The following SUPT3H variants were observed in gnomAD, a reference collection of about 807,000 sequenced individuals.
The protein encoded by SUPT3H is transcription initiation protein SPT3 homolog.
In SUPT3H, 44 loss-of-function variants were observed where a neutral mutation model predicts 44.3. That is an observed-to-expected ratio of 0.99 (90% CI 0.78 to 1.28). The LOEUF is 1.28. Ranked by LOEUF, SUPT3H falls within the 50% of genes most tolerant of loss-of-function variation. SUPT3H has a pLI of 0.00. For synonymous variants in SUPT3H, 124 were observed against 125.6 expected (o/e 0.99, Z 0.09); for missense variants, 380 against 387.1 (o/e 0.98, Z 0.15).
chr6:45,198,550 T>C (rs1049413634), intron 2 of SUPT3H, among the ~76,000 whole-genome samples: 2 of 151,362 alleles, frequency 1.3e-5, no homozygotes, highest in Non-Finnish European at 3.0e-5. Flanking sequence ...AATTTTCACT[T>C]GTGAAAACAA....
intron 2 of SUPT3H, among the ~76,000 whole-genome samples, chr6:45,262,988 A>G (rs551407674): frequency 3.9e-5 from 6 of 152,304 alleles, no homozygotes; most frequent in African/African-American, 1.4e-4. Context: ...TCAAAAAATA[A>G]TAGATGTAGG....
intron 2 of SUPT3H, among the ~76,000 whole-genome samples, chr6:45,285,074 G>A (rs1431984905): frequency 6.6e-6 from 1 of 151,674 alleles, no homozygotes; most frequent in Non-Finnish European, 1.5e-5. Context: ...AATAAATTAG[G>A]TATTGATGGG....
chr6:44,881,670 G>A (rs1006820643), intron 10 of SUPT3H, among the ~76,000 whole-genome samples: 1 of 152,056 alleles, frequency 6.6e-6, no homozygotes, highest in African/African-American at 2.4e-5. Flanking sequence ...CAAGAGAACG[G>A]AAATCATAAA....
chr6:45,208,402 T>A (rs796664026), intron 2 of SUPT3H, among the ~76,000 whole-genome samples: 1 of 152,290 alleles, frequency 6.6e-6, no homozygotes, highest in African/African-American at 2.4e-5. Context: ...AAGATCTAAC[T>A]AAGATCACTG....
chr6:45,353,863 T>C (rs964409193), intron 2 of SUPT3H, among the ~76,000 whole-genome samples: 1 of 147,950 alleles, frequency 6.8e-6, no homozygotes, highest in Non-Finnish European at 1.5e-5. Flanking sequence ...AAATGCCAAA[T>C]ATAATCAACC....
chr6:45,269,310 C>G (rs1338832397), intron 2 of SUPT3H, among the ~76,000 whole-genome samples: 2 of 152,118 alleles, frequency 1.3e-5, no homozygotes, highest in Admixed American at 1.3e-4. Flanking sequence ...TACCACATTC[C>G]TCATTTGTTT....
intron 2 of SUPT3H, among the ~76,000 whole-genome samples, chr6:45,118,425 A>C (rs1801141060): frequency 1.3e-5 from 2 of 152,130 alleles, no homozygotes; most frequent in African/African-American, 4.8e-5. Context: ...TTAAGACCCT[A>C]GCTTAGAGCC....
chr6:44,986,892 T>G (rs1292677302), intron 6 of SUPT3H, among the ~76,000 whole-genome samples: 1 of 151,910 alleles, frequency 6.6e-6, no homozygotes, highest in Non-Finnish European at 1.5e-5. Flanking sequence ...ATGAATAATA[T>G]AGTAGAGTAA....
chr6:44,924,384 C>T lies in SUPT3H; in HGVS notation c.912+8269G>A, dbSNP rs533879699. Among the ~76,000 whole-genome samples, 14 of 152,102 alleles carry T rather than the reference C, an allele frequency of 9.2e-5. No homozygotes were observed. In the East Asian group the frequency reaches 2.7e-3, roughly 29 times the overall value. On this transcript the variant is annotated intron_variant, in intron 10 of 10. Coordinates refer to ENST00000371459, the MANE Select transcript of SUPT3H (RefSeq NM_003599.4). Reference sequence around the variant, plus strand: ...CCATAACTTTGACTTCAAAATACACCTATACTTACTGAGTGAAATTTTAAG... The same window carrying T: ...CCATAACTTTGACTTCAAAATACACTTATACTTACTGAGTGAAATTTTAAG...
chr6:45,247,386 C>A (rs558475684), intron 2 of SUPT3H, among the ~76,000 whole-genome samples: 1 of 152,282 alleles, frequency 6.6e-6, no homozygotes, highest in South Asian at 2.1e-4. Flanking sequence ...AAAACCCTGA[C>A]ATACCAGCTT....
chr6:44,824,235 G>C (rs1767575816), downstream of SUPT3H, among the ~76,000 whole-genome samples: 1 of 152,248 alleles, frequency 6.6e-6, no homozygotes, highest in Non-Finnish European at 1.5e-5. Context: ...AGCTGCAGTA[G>C]TTGGTGCTGC....
At chr6:45,012,880 C>T (rs1034792561) in intron 5 of SUPT3H, among the ~76,000 whole-genome samples, 2 of 152,136 alleles carry the variant, frequency 1.3e-5, no homozygotes, top group African/African-American at 4.8e-5. Context: ...TTGCAGTATG[C>T]AGCCTCTGAT....
chr6:44,859,327 C>T (rs620074), intron 10 of SUPT3H, among the ~76,000 whole-genome samples: 141,512 of 152,216 alleles, frequency 0.93, 66,654 homozygotes, highest in East Asian at 1. Context: ...ATTTTTAGAG[C>T]TTGCTGGAGA....
intron 2 of SUPT3H, among the ~76,000 whole-genome samples, chr6:45,324,201 A>C (rs1785986486): frequency 6.6e-6 from 1 of 150,636 alleles, no homozygotes. Context: ...TACATTAAAC[A>C]AGTATGGATC....
At chr6:44,900,525 AAG>A (rs1442553727) in intron 10 of SUPT3H, among the ~76,000 whole-genome samples, 1 of 152,214 alleles carries the variant, frequency 6.6e-6, no homozygotes, top group African/African-American at 2.4e-5. Context: ...AGCGGCCAGG[AAG>A]CTCGAACTGG....
chr6:44,989,695 T>C (rs1054923268), intron 6 of SUPT3H, among the ~76,000 whole-genome samples: 2 of 152,100 alleles, frequency 1.3e-5, no homozygotes, highest in African/African-American at 4.8e-5. Context: ...GCCATCCTAA[T>C]AGGTGTGAGG....
intron 2 of SUPT3H, among the ~76,000 whole-genome samples, chr6:45,207,011 A>C (rs1001829042): frequency 6.6e-6 from 1 of 152,192 alleles, no homozygotes; most frequent in African/African-American, 2.4e-5. Flanking sequence ...TAATATTGAA[A>C]ACCACAGGAC....
At chr6:44,962,826 A>G (rs1020790210) in intron 6 of SUPT3H, among the ~76,000 whole-genome samples, 1 of 152,012 alleles carries the variant, frequency 6.6e-6, no homozygotes, top group Non-Finnish European at 1.5e-5. Context: ...TTAAGGTAAA[A>G]ATTACTAGTC....
intron 11 of SUPT3H, among the ~76,000 whole-genome samples, chr6:44,810,407 A>ATTTT (rs988858758): frequency 1.3e-5 from 2 of 152,034 alleles, no homozygotes; most frequent in Non-Finnish European, 2.9e-5. Context: ...TGAATACAGC[A>ATTTT]TTTTTTTGGT....
Sources: allele counts gnomAD v4.1 joint callset (sites outside exome capture counted in the v4.1 genomes callset), GRCh38; gene constraint gnomAD v4.1.1; transcripts MANE v1.5; gene names NCBI Gene and HGNC (gene_info 2026-07-23, HGNC 2026-07-21).